RBFOX3: variants seen among roughly 807,000 people sequenced by gnomAD.
RBFOX3 encodes RNA binding fox-1 homolog 3.
In RBFOX3, 17 loss-of-function variants were observed where a neutral mutation model predicts 48.7. The observed-to-expected ratio is 0.35, with a 90% CI of 0.24 to 0.52. The LOEUF is 0.52. Ranked by LOEUF, RBFOX3 falls within the 20% of genes least tolerant of loss-of-function variation. RBFOX3 has a pLI of 0.94. For synonymous variants in RBFOX3, 212 were observed against 209.5 expected, an observed-to-expected ratio of 1.01 and a Z score of -0.10; for missense variants, 382 against 497.5, an observed-to-expected ratio of 0.77 and a Z score of 2.21.
chr17:79,155,580 C>T (rs1228088392), intron 4 of RBFOX3, among the ~76,000 whole-genome samples: 1 of 152,158 alleles, frequency 6.6e-6, no homozygotes, highest in East Asian at 1.9e-4. Context: ...CCCGGAGGGC[C>T]ACAGCTGGGG....
At chr17:79,620,593 A>C in the RBFOX3 span, among the ~76,000 whole-genome samples, 1 of 134,256 alleles carries the variant, frequency 7.4e-6, no homozygotes, top group African/African-American at 2.7e-5. Flanking sequence ...ACGCACACAC[A>C]CGCACGCACG....
intron 2 of RBFOX3, among the ~76,000 whole-genome samples, chr17:79,355,241 G>C (rs1350771829): frequency 3.9e-5 from 6 of 152,224 alleles, no homozygotes; most frequent in Non-Finnish European, 1.5e-5. Context: ...CCGAGGAAAG[G>C]CATCAAGGCT....
At chr17:79,225,921 G>A (rs9901393) in intron 4 of RBFOX3, among the ~76,000 whole-genome samples, 29,683 of 151,472 alleles carry the variant, frequency 0.2, 3,751 homozygotes, top group African/African-American at 0.37. Flanking sequence ...GTCAAAGGGC[G>A]ACAGTGGTGG....
intron 1 of RBFOX3, among the ~76,000 whole-genome samples, chr17:79,576,906 T>C (rs1178204828): frequency 6.6e-6 from 1 of 152,176 alleles, no homozygotes; most frequent in African/African-American, 2.4e-5. Flanking sequence ...CAGACACTTG[T>C]AGTCCCCTCC....
At chr17:79,176,236 C>A (rs1211387087) in intron 4 of RBFOX3, among the ~76,000 whole-genome samples, 2 of 152,242 alleles carry the variant, frequency 1.3e-5, no homozygotes, top group Non-Finnish European at 2.9e-5. Flanking sequence ...GATACAAAGA[C>A]CCTGCCTGCC....
intron 4 of RBFOX3, among the ~76,000 whole-genome samples, chr17:79,208,917 G>A (rs1157527070): frequency 2.0e-5 from 3 of 152,018 alleles, no homozygotes; most frequent in South Asian, 2.1e-4. Flanking sequence ...CCGGGTTCAC[G>A]CCGTTCTCCT....
At chr17:79,576,089 T>C (rs1288881094) in intron 1 of RBFOX3, among the ~76,000 whole-genome samples, 1 of 152,206 alleles carries the variant, frequency 6.6e-6, no homozygotes, top group Non-Finnish European at 1.5e-5. Context: ...GTACAGGAGA[T>C]GAGCCTCCAG....
intron 3 of RBFOX3, among the ~76,000 whole-genome samples, chr17:79,295,102 A>G (rs1213787664): frequency 6.6e-6 from 1 of 152,044 alleles, no homozygotes; most frequent in East Asian, 1.9e-4. Flanking sequence ...TCCATGTGAG[A>G]GAAGACGGCC....
At chr17:79,135,888 G>C (rs2040072098) in intron 4 of RBFOX3, 1 of 152,258 alleles carries the variant, frequency 6.6e-6, no homozygotes, top group Non-Finnish European at 1.5e-5. Context: ...GAGCTGCTGA[G>C]AGCTGAGAGC....
intron 3 of RBFOX3, among the ~76,000 whole-genome samples, chr17:79,260,172 G>A (rs4789976): frequency 0.12 from 18,928 of 152,018 alleles, 1,420 homozygotes; most frequent in East Asian, 0.32. Flanking sequence ...ATCAAATAAG[G>A]AGGTACAGGG....
chr17:79,142,214 T>C (rs1441224747), intron 4 of RBFOX3, among the ~76,000 whole-genome samples: 1 of 152,078 alleles, frequency 6.6e-6, no homozygotes. Flanking sequence ...CCTGTGTGCC[T>C]TGTCTGTAAT....
chr17:79,445,845 A>C (rs1422361549), intron 2 of RBFOX3, among the ~76,000 whole-genome samples: 1 of 152,206 alleles, frequency 6.6e-6, no homozygotes, highest in East Asian at 1.9e-4. Flanking sequence ...GGTTTTGCAG[A>C]GGGCAGGGGC....
chr17:79,291,600 G>C (rs2073278516), intron 3 of RBFOX3, among the ~76,000 whole-genome samples: 1 of 152,176 alleles, frequency 6.6e-6, no homozygotes, highest in Non-Finnish European at 1.5e-5. Context: ...GTCCCTTATT[G>C]CATCAGTAAC....
chr17:79,334,444 G>A (rs1398763488), intron 2 of RBFOX3, among the ~76,000 whole-genome samples: 1 of 152,182 alleles, frequency 6.6e-6, no homozygotes, highest in Non-Finnish European at 1.5e-5. Context: ...TGCTTCTGAC[G>A]CTGGGCCTGG....
intron 4 of RBFOX3, among the ~76,000 whole-genome samples, chr17:79,148,716 G>A (rs962774577): frequency 6.6e-6 from 1 of 152,238 alleles, no homozygotes; most frequent in African/African-American, 2.4e-5. Context: ...AGAGTTGGGC[G>A]ACTCTATCCC....
intron 3 of RBFOX3, among the ~76,000 whole-genome samples, chr17:79,292,716 A>G (rs1471465189): frequency 6.6e-6 from 1 of 152,190 alleles, no homozygotes; most frequent in African/African-American, 2.4e-5. Context: ...AGTATGCCAA[A>G]TGCTTAGAAG....
chr17:79,457,936 G>A (rs8080980), intron 2 of RBFOX3, among the ~76,000 whole-genome samples: 50 of 152,334 alleles, frequency 3.3e-4, no homozygotes, highest in African/African-American at 1.2e-3. Flanking sequence ...CACGGTGGGT[G>A]GGGAGCCAGA....
At chr17:79,315,514 C>T (rs767754260) in intron 2 of RBFOX3, among the ~76,000 whole-genome samples, 42 of 152,218 alleles carry the variant, frequency 2.8e-4, no homozygotes, top group Non-Finnish European at 5.1e-4. Context: ...AGGGGAAGAG[C>T]GGTGTCTCCC....
At chr17:79,345,974 G>C (rs1183757060) in intron 2 of RBFOX3, among the ~76,000 whole-genome samples, 3 of 152,140 alleles carry the variant, frequency 2.0e-5, no homozygotes, top group Admixed American at 1.3e-4. Context: ...AGGCTGGAAT[G>C]CAGTGGTGTG....
Sources: allele counts gnomAD v4.1 joint callset (sites outside exome capture counted in the v4.1 genomes callset), GRCh38; gene constraint gnomAD v4.1.1; transcripts MANE v1.5; gene names NCBI Gene and HGNC (gene_info 2026-07-23, HGNC 2026-07-21).